Variants in COL4A5 observed in about 807,000 individuals in gnomAD.
COL4A5 encodes collagen alpha-5(IV) chain.
A neutral mutation model predicts 130.2 loss-of-function variants in COL4A5; 26 were observed. The observed-to-expected ratio is 0.20, with a 90% confidence interval of 0.15 to 0.28. The LOEUF (loss-of-function observed/expected upper bound fraction) is 0.28, where lower values mean the gene tolerates loss of function less well. Ranked by LOEUF, COL4A5 falls within the 10% of genes least tolerant of loss-of-function variation. The pLI is 1.00. For missense variants in COL4A5, 1,131 were observed against 1,344.3 expected, an observed-to-expected ratio of 0.84 and a Z score of 2.48; for synonymous variants, 496 against 439.6, an observed-to-expected ratio of 1.13 and a Z score of -1.60.
intron 37 of COL4A5, among the ~76,000 whole-genome samples, chrX:108,661,969 A>C (rs1284206411): frequency 9.2e-6 from 1 of 109,030 alleles, no homozygotes; most frequent in Non-Finnish European, 1.9e-5. Flanking sequence ...CATGTGCACA[A>C]TGTGCAGGTT....
Position 108,666,505 on chromosome X carries a change from G to T in COL4A5, c.3464G>T (p.Gly1155Val). The part of the protein sequence containing the change: ...PGEPGPVGGG[G>V]HPGQPGPPGE... ...GTACTCAATTTTTTAGGTGGTGGAG[G>T]TCATCCTGGGCAACCAGGGCCTCCA... The change falls in exon 39 of 53, where the codon GGT becomes GTT. Residue 1155 changes from glycine to valine, a missense_variant. Coordinates refer to ENST00000328300, the MANE Select transcript of COL4A5 (RefSeq NM_033380.3). 8.3e-7 allele frequency: 1 copy of T among 1,205,170 alleles called. No individual in the cohort carries two copies. Among genetic ancestry groups the T allele is most frequent in the Non-Finnish European group, 1.1e-6 (1 of 891,695 alleles).
chrX:108,559,138 G>A lies in COL4A5; in HGVS notation c.216G>A (p.Gly72=), dbSNP rs1364824376. ...PGFPGPEGPP[G]PRGQKGDDGI... ...TTCCAGGTCCAGAAGGGCCTCCGGG[G>A]CCTCGGGGACAAAAGGTATGTATCA... The change falls in exon 3 of 53, where the codon GGG becomes GGA. Residue 72 remains glycine (G), a synonymous_variant. Coordinates refer to ENST00000328300, the MANE Select transcript of COL4A5 (RefSeq NM_033380.3). 1 of 1,206,409 alleles carries A rather than the reference G, an allele frequency of 8.3e-7. No homozygotes were observed. The highest frequency in any genetic ancestry group is 1.1e-6 in the Non-Finnish European group (1 of 891,978).
chrX:108,562,238 G>A (rs2065908211), intron 3 of COL4A5, among the ~76,000 whole-genome samples: 1 of 111,508 alleles, frequency 9.0e-6, no homozygotes, highest in Non-Finnish European at 1.9e-5. Context: ...AAAATGAGGT[G>A]GCAACTCCAA....
chrX:108,485,693 A>C (rs929935508), intron 1 of COL4A5, among the ~76,000 whole-genome samples: 2 of 108,743 alleles, frequency 1.8e-5, no homozygotes, highest in Non-Finnish European at 3.8e-5. Context: ...CACAGGCAAA[A>C]CTCCTCTTTA....
intron 1 of COL4A5, among the ~76,000 whole-genome samples, chrX:108,486,104 A>G (rs1383314071): frequency 1.8e-5 from 2 of 111,086 alleles, no homozygotes; most frequent in East Asian, 2.8e-4. Flanking sequence ...ATTGAATTCA[A>G]TGCAACATCT....
chrX:108,526,600 CTTTCTTTCTTT>C (rs2065317143), intron 1 of COL4A5, among the ~76,000 whole-genome samples: 6 of 23,303 alleles, frequency 2.6e-4, no homozygotes, highest in African/African-American at 1.2e-3. Flanking sequence ...TCCCTCCTTT[CTTTCTTTCTTT>C]CTTTCTTTCT....
chrX:108,624,163 G>A, intron 33 of COL4A5, 73 bp from the exon 34 acceptor site: 1 of 826,797 alleles, frequency 1.2e-6, no homozygotes, highest in East Asian at 3.2e-5. Context: ...CACTTGAGTA[G>A]CTTGCTTTGC....
intron 4 of COL4A5, 145 bp downstream of exon 4, chrX:108,564,071 G>T (rs958930871): frequency 8.9e-6 from 4 of 448,468 alleles, no homozygotes; most frequent in Non-Finnish European, 1.5e-5. Flanking sequence ...TTAAGAGTTG[G>T]TATATGTCTA....
At chrX:108,632,524 C>CA (rs1395572237) in intron 36 of COL4A5, among the ~76,000 whole-genome samples, 7 of 110,145 alleles carry the variant, frequency 6.4e-5, no homozygotes, top group South Asian at 3.9e-4. Context: ...AGAGACACAA[C>CA]AAAAAAAAGA....
rs2273051 is a variant in COL4A5, at chrX:108,666,554, A to G, written c.3513A>G (p.Gln1171=). Residue 1171 remains glutamine, a synonymous_variant, in exon 39 of 53, where the codon CAA becomes CAG. Coordinates refer to ENST00000328300, the MANE Select transcript of COL4A5 (RefSeq NM_033380.3). ...CAGGCGAAAAAGGCAAACCCGGTCA[A>G]GATGGTATTCCTGGACCAGCTGGAC... ...GPPGEKGKPG[Q]DGIPGPAGQK... The G allele has an allele frequency of 0.03, 36,136 of 1,206,703 alleles. 4,546 individuals are homozygous for G. The African/African-American group carries it at 0.45, about 15-fold the overall frequency.
chrX:108,501,252 T>C (rs2065077070), intron 1 of COL4A5, among the ~76,000 whole-genome samples: 2 of 111,689 alleles, frequency 1.8e-5, no homozygotes, highest in African/African-American at 6.5e-5. Flanking sequence ...GCTGACTTGT[T>C]CCCATTATTT....
rs146840005 is a variant in COL4A5, at chrX:108,478,788, T to A, written c.81+38582T>A. On this transcript the variant is annotated intron_variant, in intron 1 of 52. Coordinates refer to ENST00000328300, the MANE Select transcript of COL4A5 (RefSeq NM_033380.3). ...AAGGATCGTAGTCTTGGCAGAAGCATTGCGTGCAGGATAGGAAAACCCATA... is the reference window on the plus strand; with the variant it reads ...AAGGATCGTAGTCTTGGCAGAAGCAATGCGTGCAGGATAGGAAAACCCATA... 4.1e-3 allele frequency among the ~76,000 whole-genome samples: 459 copies of A among 112,000 alleles called. 3 individuals carry two copies. The highest frequency in any genetic ancestry group is 0.013 in the African/African-American group (410 of 30,817).
chrX:108,680,226 C>T (rs748931231), intron 44 of COL4A5, among the ~76,000 whole-genome samples: 1 of 111,960 alleles, frequency 8.9e-6, no homozygotes, highest in South Asian at 3.8e-4. Context: ...TTTATCTTCG[C>T]AGTGGTTTGA....
At chrX:108,625,672 A>G in intron 34 of COL4A5, 33 bp from the exon 35 acceptor site, 1 of 970,636 alleles carries the variant, frequency 1.0e-6, no homozygotes, top group African/African-American at 1.9e-5. Flanking sequence ...ATATTGCTAC[A>G]TTGTCTTAAT....
intron 1 of COL4A5, among the ~76,000 whole-genome samples, chrX:108,534,587 G>T (rs765088730): frequency 9.0e-6 from 1 of 111,232 alleles, no homozygotes; most frequent in East Asian, 2.8e-4. Flanking sequence ...ACTGGGAAGG[G>T]TAAGTGTCAA....
At chrX:108,597,651 T>G in intron 24 of COL4A5, 83 bp downstream of exon 24, 1 of 882,906 alleles carries the variant, frequency 1.1e-6, no homozygotes, top group South Asian at 2.1e-5. Context: ...AGGATGGGAC[T>G]GATGCTGAGA....
chrX:108,537,257 T>C (rs192544340), intron 1 of COL4A5, among the ~76,000 whole-genome samples: 331 of 111,446 alleles, frequency 3.0e-3, no homozygotes, highest in African/African-American at 0.01. Flanking sequence ...TTGCCTGTTT[T>C]GTTTTAACCT....
chrX:108,470,036 C>T (rs1008031728), intron 1 of COL4A5, among the ~76,000 whole-genome samples: 3 of 112,172 alleles, frequency 2.7e-5, no homozygotes, highest in Admixed American at 9.4e-5. Context: ...AATTCACCAT[C>T]GATGGGAATC....
intron 1 of COL4A5, among the ~76,000 whole-genome samples, chrX:108,536,259 TTGTG>T (rs113018683): frequency 0.1 from 10,951 of 106,009 alleles, 1,262 homozygotes; most frequent in African/African-American, 0.33. Context: ...CATATAGTAG[TTGTG>T]TGTGTGTGTG....
Sources: allele counts gnomAD v4.1 joint callset (sites outside exome capture counted in the v4.1 genomes callset), GRCh38; gene constraint gnomAD v4.1.1; transcripts MANE v1.5; gene names NCBI Gene and HGNC (gene_info 2026-07-23, HGNC 2026-07-21).